The following RAP1GAP2 variants were observed in gnomAD, a reference collection of about 807,000 sequenced individuals.
The protein encoded by RAP1GAP2 is RAP1 GTPase activating protein 2, also known as rap1 GTPase-activating protein 2.
RAP1GAP2 carries 27 observed loss-of-function variants against 95.0 expected under a neutral mutation model. The observed-to-expected ratio is 0.28, with a 90% CI of 0.21 to 0.39. The LOEUF is 0.39. Ranked by LOEUF, RAP1GAP2 falls within the 10% of genes least tolerant of loss-of-function variation. The pLI, the probability that RAP1GAP2 is intolerant of heterozygous loss-of-function variation, is 1.00. For synonymous variants in RAP1GAP2, 373 were observed against 380.9 expected (o/e 0.98, Z 0.24); for missense variants, 771 against 970.0 (o/e 0.79, Z 2.72).
chr17:2,837,174 C>G (rs934048399), intron 2 of RAP1GAP2, among the ~76,000 whole-genome samples: 1 of 151,484 alleles, frequency 6.6e-6, no homozygotes, highest in African/African-American at 2.4e-5. Flanking sequence ...TTGCTTACAC[C>G]CAGGAGGTTG....
intron 3 of RAP1GAP2, among the ~76,000 whole-genome samples, chr17:2,908,092 A>C (rs530727271): frequency 5.3e-4 from 81 of 152,140 alleles, no homozygotes; most frequent in Non-Finnish European, 1.0e-3. Flanking sequence ...GTCGTGAGCC[A>C]CCACGCCTGG....
At chr17:2,954,145 T>C (rs7209908) in intron 3 of RAP1GAP2, among the ~76,000 whole-genome samples, 34,721 of 152,068 alleles carry the variant, frequency 0.23, 4,051 homozygotes, top group African/African-American at 0.24. Flanking sequence ...CACTTTGTCA[T>C]CCAGGCTGGA....
In RAP1GAP2 at chr17:2,827,863, G is replaced by A. The variant is rs1310974762; in HGVS notation, c.80+27313G>A. On this transcript the variant is annotated intron_variant, in intron 2 of 24. Transcript: ENST00000254695. The surrounding 1 kb of genome is among the most constrained non-coding windows in gnomAD (Gnocchi z 4.1). ...AAGGGGGAGGGTTCATACACGATCG[G>A]TTGCAGCAGGCACGCCAGTGACGGT... Among the ~76,000 whole-genome samples the A allele has an allele frequency of 6.6e-6, 1 of 152,032 alleles. No homozygotes were observed. The highest frequency in any genetic ancestry group is 1.5e-5 in the Non-Finnish European group (1 of 68,008).
chr17:2,778,741 G>A (rs186129789), intron 1 of RAP1GAP2, among the ~76,000 whole-genome samples: 2 of 152,306 alleles, frequency 1.3e-5, no homozygotes, highest in East Asian at 1.9e-4. Flanking sequence ...ATGGGAGCCC[G>A]AGAGAAAGGC....
intron 3 of RAP1GAP2, among the ~76,000 whole-genome samples, chr17:2,922,385 T>C (rs1224626252): frequency 1.3e-5 from 2 of 152,324 alleles, no homozygotes; most frequent in Non-Finnish European, 2.9e-5. Context: ...AAAGACCCTT[T>C]TTCCGAATAA....
chr17:2,896,950 C>T (rs1462314671), intron 2 of RAP1GAP2, among the ~76,000 whole-genome samples: 1 of 152,226 alleles, frequency 6.6e-6, no homozygotes, highest in Non-Finnish European at 1.5e-5. Context: ...GCCTGGGCCT[C>T]CTGCTCTCTG....
intron 16 of RAP1GAP2, among the ~76,000 whole-genome samples, chr17:3,006,728 T>C (rs921141010): frequency 6.6e-6 from 1 of 152,314 alleles, no homozygotes; most frequent in Non-Finnish European, 1.5e-5. Context: ...CCACTGCGCC[T>C]GGCCCAATCA....
rs373790146 is a variant in RAP1GAP2 at position 2,936,577 on chromosome 17, C to T, written c.166-21182C>T. On this transcript the variant is annotated intron_variant, in intron 3 of 24. Coordinates refer to ENST00000254695, the MANE Select transcript of RAP1GAP2 (RefSeq NM_015085.5). ...TGTGACCTTCAGCAGGCCAGTTAACCTCTCTGAGCTTTAGTTACCCTCCCC... is the reference window on the plus strand; with the variant it reads ...TGTGACCTTCAGCAGGCCAGTTAACTTCTCTGAGCTTTAGTTACCCTCCCC... Among the ~76,000 whole-genome samples the T allele has an allele frequency of 7.2e-5, 11 of 152,112 alleles. 1 individual carries two copies. Among genetic ancestry groups the T allele is most frequent in the South Asian group, 2.1e-4 (1 of 4,814 alleles).
At chr17:2,994,947 G>A (rs2045902322) in intron 12 of RAP1GAP2, among the ~76,000 whole-genome samples, 1 of 152,032 alleles carries the variant, frequency 6.6e-6, no homozygotes, top group South Asian at 2.1e-4. Context: ...CTGAGTAGCT[G>A]GGATTATAGG....
chr17:2,963,540 C>T lies in RAP1GAP2; in HGVS notation c.279+78C>T, dbSNP rs953517758. On this transcript the variant is annotated intron_variant, in intron 6 of 24. Coordinates refer to ENST00000254695, the MANE Select transcript of RAP1GAP2 (RefSeq NM_015085.5). This position sits in a 1 kb window ranked among gnomAD's most constrained non-coding sequence, Gnocchi z 4.8. ...TCCCTGGGGAAATGATGGCGATGGC[C>T]TGTGCCCAGCCCCCCAGGGGAGAGA... The T allele has an allele frequency of 1.3e-6, 2 of 1,577,284 alleles. No individual in the cohort carries two copies. Among genetic ancestry groups the T allele is most frequent in the Admixed American group, 3.3e-5 (2 of 59,872 alleles).
chr17:2,933,195 G>A (rs1368804234), intron 3 of RAP1GAP2, among the ~76,000 whole-genome samples: 3 of 152,252 alleles, frequency 2.0e-5, no homozygotes, highest in East Asian at 3.9e-4. Flanking sequence ...AGCGCCTGGT[G>A]TAGAGAGGAA....
At chr17:2,958,294 G>A (rs1482346464) in intron 4 of RAP1GAP2, among the ~76,000 whole-genome samples, 1 of 152,114 alleles carries the variant, frequency 6.6e-6, no homozygotes, top group Non-Finnish European at 1.5e-5. Flanking sequence ...TGGTGGTTGG[G>A]GTGAAATGAG....
At chr17:2,937,402 C>T (rs2151423805) in intron 3 of RAP1GAP2, among the ~76,000 whole-genome samples, 1 of 152,308 alleles carries the variant, frequency 6.6e-6, no homozygotes, top group Middle Eastern at 3.4e-3. Context: ...CTGGATATGG[C>T]ATGTCCTTCC....
Position 3,018,189 on chromosome 17 carries a change from C to T in RAP1GAP2, c.1623C>T (p.Thr541=). 2 of 1,570,720 alleles carry T rather than the reference C, an allele frequency of 1.3e-6. No homozygotes were observed. Among genetic ancestry groups the T allele is most frequent in the African/African-American group, 1.4e-5 (1 of 73,710 alleles). ...ISHNSMEVTK[T]TFSPPVVAAT... is the part of the protein sequence containing the mutation. Reference sequence around the variant, plus strand: ...ACAACAGCATGGAGGTCACCAAGACCACCTTCTCGGTGAGTGCTGGCAGGC... The same window carrying T: ...ACAACAGCATGGAGGTCACCAAGACTACCTTCTCGGTGAGTGCTGGCAGGC... The change falls in exon 18 of 25, where the codon ACC becomes ACT. Residue 541 remains threonine (T), a synonymous_variant. Coordinates refer to ENST00000254695, the MANE Select transcript of RAP1GAP2 (RefSeq NM_015085.5).
chr17:2,799,054 G>T (rs1404967048), intron 1 of RAP1GAP2, among the ~76,000 whole-genome samples: 1 of 152,220 alleles, frequency 6.6e-6, no homozygotes, highest in Admixed American at 6.5e-5. Context: ...ACACAGGGCT[G>T]TTGTAAGAAT....
chr17:2,822,632 T>G (rs1414946151), intron 2 of RAP1GAP2, among the ~76,000 whole-genome samples: 3 of 134,936 alleles, frequency 2.2e-5, no homozygotes, highest in Non-Finnish European at 4.6e-5. Flanking sequence ...TTTTTGTTTT[T>G]TTTTTTTTTT....
chr17:2,784,922 A>C (rs546294507), intron 1 of RAP1GAP2, among the ~76,000 whole-genome samples: 1 of 152,294 alleles, frequency 6.6e-6, no homozygotes, highest in South Asian at 2.1e-4. Flanking sequence ...TCCAGGAAAA[A>C]TCAAGATGGT....
Position 3,033,769 on chromosome 17 carries a change from C to G in RAP1GAP2, c.*408C>G, listed in dbSNP as rs897846578. The G allele has an allele frequency of 1.3e-5, 2 of 152,224 alleles. No homozygotes were observed. The highest frequency in any genetic ancestry group is 2.9e-5 in the Non-Finnish European group (2 of 68,110). 9.4% of individuals were successfully genotyped at this position (152,224 alleles called of 1,614,324 possible). ...AGAGTAGGGGGTGGGAGCAGAGCCT[C>G]GGTGAGGGTCTTGGCCACAGGGCAG... On this transcript the variant is annotated 3_prime_UTR_variant, in exon 25 of 25. Coordinates refer to ENST00000254695, the MANE Select transcript of RAP1GAP2 (RefSeq NM_015085.5). This position sits in a 1 kb window ranked among gnomAD's most constrained non-coding sequence, Gnocchi z 4.9.
intron 8 of RAP1GAP2, among the ~76,000 whole-genome samples, chr17:2,978,260 C>T (rs1474052904): frequency 2.0e-5 from 3 of 152,160 alleles, no homozygotes; most frequent in African/African-American, 7.2e-5. Flanking sequence ...AACAGTTTCT[C>T]TTTGTCATAT....
Sources: gnomAD v4.1 joint callset for allele counts (sites outside exome capture counted in the v4.1 genomes callset) on GRCh38, gnomAD v4.1.1 for gene constraint, Gnocchi (gnomAD v3.1) non-coding constraint, MANE v1.5 for transcripts, NCBI Gene and HGNC (gene_info 2026-07-23, HGNC 2026-07-21) for gene names.